The following SLC2A9 variants were observed in gnomAD, a reference collection of about 807,000 sequenced individuals.
SLC2A9 encodes solute carrier family 2 member 9.
Under a neutral mutation model 50.6 loss-of-function variants are expected in SLC2A9, and 39 were observed. That is an observed-to-expected ratio of 0.77 (90% CI 0.60 to 1.01). The LOEUF (loss-of-function observed/expected upper bound fraction) is 1.01. Among genes scored for constraint, SLC2A9 ranks in the 50% least tolerant of loss-of-function variants. SLC2A9 has a pLI of 0.00. For missense variants in SLC2A9, 686 were observed against 677.6 expected (o/e 1.01, Z -0.14); for synonymous variants, 324 against 276.9 (o/e 1.17, Z -1.69).
intron 6 of SLC2A9, chr4:9,923,716 G>A (rs976043586): frequency 2.6e-5 from 4 of 152,244 alleles, no homozygotes; most frequent in African/African-American, 9.6e-5. Flanking sequence ...AGCTGCTGAT[G>A]AGAGAGCTGC....
At chr4:10,035,855 G>C (rs554839336) in intron 1 of SLC2A9, 1 of 152,530 alleles carries the variant, frequency 6.6e-6, no homozygotes, top group Admixed American at 6.5e-5. Flanking sequence ...GCTCTTGAAG[G>C]TCAGAACTCC....
intron 5 of SLC2A9, among the ~76,000 whole-genome samples, chr4:9,947,992 C>G (rs919089981): frequency 5.3e-5 from 8 of 152,156 alleles, no homozygotes; most frequent in Non-Finnish European, 1.0e-4. Context: ...AAGGTTGCCT[C>G]CATGTCCATC....
chr4:9,891,498 A>G (rs1409204575), intron 8 of SLC2A9, among the ~76,000 whole-genome samples: 3 of 152,334 alleles, frequency 2.0e-5, no homozygotes, highest in Non-Finnish European at 4.4e-5. Flanking sequence ...GAATCAAAAT[A>G]TCCTTCCACA....
At chr4:9,985,896 G>C in intron 3 of SLC2A9, 103 bp from the exon 4 acceptor site, 1 of 1,525,492 alleles carries the variant, frequency 6.6e-7, no homozygotes, top group Admixed American at 1.7e-5. Flanking sequence ...AGGGTGAGTA[G>C]AGCAAGACTC....
At chr4:9,863,682 G>A (rs1377773747) in intron 10 of SLC2A9, among the ~76,000 whole-genome samples, 1 of 147,846 alleles carries the variant, frequency 6.8e-6, no homozygotes, top group Non-Finnish European at 1.5e-5. Flanking sequence ...CCTAAGGGGT[G>A]AGAGAATGCA....
chr4:9,801,469 C>T (rs1577324240), intron 3 of SLC2A9, among the ~76,000 whole-genome samples: 1 of 152,188 alleles, frequency 6.6e-6, no homozygotes, highest in South Asian at 2.1e-4. Flanking sequence ...TAAATTCAAC[C>T]CCGTTGGAGA....
At chr4:9,944,146 T>C (rs1184449828) in intron 5 of SLC2A9, among the ~76,000 whole-genome samples, 2 of 152,118 alleles carry the variant, frequency 1.3e-5, no homozygotes, top group African/African-American at 2.4e-5. Flanking sequence ...CCCAGGCTCA[T>C]TGGGGAACAA....
Position 9,879,391 on chromosome 4 carries a change from T to C in SLC2A9, c.1291+8176A>G, listed in dbSNP as rs1734834456. On this transcript the variant is annotated intron_variant, in intron 10 of 11. Transcript: ENST00000264784. ...GTGTATTTATGTGTGTATGTGTGTG[T>C]GTGTGTGTGTTTGTGCGTGTGGGGC... The C allele has an allele frequency of 7.1e-6, 7 of 984,876 alleles. No individual in the cohort carries two copies. In the South Asian group the frequency reaches 1.9e-4, roughly 26 times the overall value. 61.0% of individuals were successfully genotyped at this position (984,876 alleles called of 1,614,324 possible).
intron 2 of SLC2A9, among the ~76,000 whole-genome samples, chr4:10,017,181 T>G (rs1211895925): frequency 6.6e-6 from 1 of 152,226 alleles, no homozygotes; most frequent in Non-Finnish European, 1.5e-5. Context: ...AATGAATAAG[T>G]GAGTAATGGG....
chr4:9,881,467 G>A (rs1448250164), intron 10 of SLC2A9, among the ~76,000 whole-genome samples: 1 of 152,210 alleles, frequency 6.6e-6, no homozygotes, highest in East Asian at 1.9e-4. Context: ...TACCTCACCA[G>A]CTAGCCCTCT....
chr4:9,849,096 C>T (rs1057316990), intron 10 of SLC2A9, among the ~76,000 whole-genome samples: 3 of 152,100 alleles, frequency 2.0e-5, no homozygotes, highest in Admixed American at 6.6e-5. Context: ...ACAGGAGAGG[C>T]ATCTTGTGAG....
chr4:9,851,537 G>C (rs1729922044), intron 10 of SLC2A9, among the ~76,000 whole-genome samples: 1 of 152,132 alleles, frequency 6.6e-6, no homozygotes, highest in Non-Finnish European at 1.5e-5. Context: ...ATCTCCAAAT[G>C]ACCACACTAA....
At chr4:9,916,835 T>C (rs1742931233) in intron 7 of SLC2A9, among the ~76,000 whole-genome samples, 1 of 152,180 alleles carries the variant, frequency 6.6e-6, no homozygotes. Context: ...TTGATCCAAT[T>C]TTCAGCCCAA....
chr4:9,959,591 G>A (rs914533939), intron 5 of SLC2A9, among the ~76,000 whole-genome samples: 1 of 152,144 alleles, frequency 6.6e-6, no homozygotes, highest in African/African-American at 2.4e-5. Flanking sequence ...GAGCTTGAGG[G>A]GGTGGGACGA....
chr4:9,810,117 T>C (rs1722686211), intron 3 of SLC2A9, among the ~76,000 whole-genome samples: 1 of 152,184 alleles, frequency 6.6e-6, no homozygotes, highest in Non-Finnish European at 1.5e-5. Flanking sequence ...TCTATTTATT[T>C]GATTATTTCC....
intron 1 of SLC2A9, among the ~76,000 whole-genome samples, chr4:10,019,504 G>T (rs953239747): frequency 1.3e-5 from 2 of 152,244 alleles, no homozygotes; most frequent in Non-Finnish European, 2.9e-5. Flanking sequence ...GATCAGTGCT[G>T]TTATGTCCTG....
At chr4:9,991,837 CT>C (rs2109230896) in intron 3 of SLC2A9, among the ~76,000 whole-genome samples, 1 of 152,310 alleles carries the variant, frequency 6.6e-6, no homozygotes, top group South Asian at 2.1e-4. Flanking sequence ...TGATCTTGGC[CT>C]TCCAGCCTCC....
chr4:10,007,541 A>C (rs1000003363), intron 2 of SLC2A9, among the ~76,000 whole-genome samples: 3 of 152,204 alleles, frequency 2.0e-5, no homozygotes, highest in Non-Finnish European at 2.9e-5. Flanking sequence ...AACATAAAGA[A>C]GGTAAGTTTC....
chr4:9,832,160 G>C (rs1056686570), intron 11 of SLC2A9, among the ~76,000 whole-genome samples: 1 of 152,220 alleles, frequency 6.6e-6, no homozygotes, highest in African/African-American at 2.4e-5. Flanking sequence ...GTTTTCAGAA[G>C]GGAGGTAGGT....
Sources: gnomAD v4.1 joint callset for allele counts (sites outside exome capture counted in the v4.1 genomes callset) on GRCh38, gnomAD v4.1.1 for gene constraint, MANE v1.5 for transcripts, NCBI Gene and HGNC (gene_info 2026-07-23, HGNC 2026-07-21) for gene names.